CAMTA2: variants seen among roughly 807,000 people sequenced by gnomAD.
CAMTA2 encodes the protein calmodulin-binding transcription activator 2.
Under a neutral mutation model 135.7 loss-of-function variants are expected in CAMTA2, and 56 were observed. The observed-to-expected ratio is 0.41, with a 90% CI of 0.33 to 0.52. CAMTA2 has a LOEUF of 0.52. Ranked by LOEUF, CAMTA2 falls within the 20% of genes least tolerant of loss-of-function variation. CAMTA2 has a pLI of 0.16. For missense variants in CAMTA2, 1,358 were observed against 1,553.4 expected (o/e 0.87, Z 2.11); for synonymous variants, 591 against 604.6 (o/e 0.98, Z 0.33).
In CAMTA2 at chr17:4,968,915, G is replaced by C; in HGVS notation, c.3537C>G (p.Cys1179Trp). 1.2e-6 allele frequency: 2 copies of C among 1,614,106 alleles called. No individual in the cohort carries two copies. The highest frequency in any genetic ancestry group is 1.1e-5 in the South Asian group (1 of 91,072). The change falls in exon 22 of 23, where the codon TGC (cysteine) becomes TGG (tryptophan). Residue 1179 changes from cysteine to tryptophan, a missense_variant. Coordinates refer to ENST00000348066, the MANE Select transcript of CAMTA2 (RefSeq NM_015099.4). ...GGAGAAGGGATGAGTACCTGTGTCG[G>C]CAGCGCCGCAGGAATCTCATGATCT... ...ARKIMRFLRRCRHRMRELKQN... is the reference protein window; with the variant it reads ...ARKIMRFLRRWRHRMRELKQN...
chr17:4,974,820 T>TC (rs1567689001), intron 11 of CAMTA2: 1 of 220,402 alleles, frequency 4.5e-6, no homozygotes, highest in Non-Finnish European at 9.1e-6. Flanking sequence ...TACACACTCT[T>TC]CCCCCCAGCC....
intron 1 of CAMTA2, chr17:4,987,245 G>A: frequency 7.5e-7 from 1 of 1,341,926 alleles, no homozygotes; most frequent in Non-Finnish European, 9.5e-7. Context: ...GCGGCCCCCC[G>A]GCGGAGTGGT....
rs1166417083 is a variant in CAMTA2, at chr17:4,972,459, C to T, written c.2581G>A (p.Asp861Asn). 1 of 1,613,320 alleles carries T rather than the reference C, an allele frequency of 6.2e-7. No homozygotes were observed. Among genetic ancestry groups the T allele is most frequent in the African/African-American group, 1.3e-5 (1 of 74,930 alleles). Reference protein sequence around the residue: ...SVTSAYSSAPDGSPPPAPLPA... With the variant: ...SVTSAYSSAPNGSPPPAPLPA... ...AGAGGTGCAGGGGGGGGACTGCCAT[C>T]TGGGGCACTAGAATAGGCTGACGTG... Residue 861 changes from aspartate to asparagine, a missense_variant, in exon 16 of 23, where the codon GAT (aspartate) becomes AAT (asparagine). Physicochemically the swap from Asp to Asn is conservative, Grantham distance 23 (BLOSUM62 1). Around this residue, in one of 4 missense-constraint regions of CAMTA2, gnomAD observed 1,077 missense variants for 1,127.5 expected, o/e 0.96. Transcript: ENST00000348066.
rs1462040588 is a variant in CAMTA2, at chr17:4,970,346, G to C, written c.2999C>G (p.Pro1000Arg). The C allele has an allele frequency of 1.2e-6, 2 of 1,614,164 alleles. No homozygotes were observed. Among genetic ancestry groups the C allele is most frequent in the Non-Finnish European group, 1.7e-6 (2 of 1,179,948 alleles). The change falls in exon 17 of 23, where the codon CCT becomes CGT. Residue 1000 changes from proline (P) to arginine (R), a missense_variant. Around this residue, in one of 4 missense-constraint regions of CAMTA2, gnomAD observed 1,077 missense variants for 1,127.5 expected, o/e 0.96. Coordinates refer to ENST00000348066, the MANE Select transcript of CAMTA2 (RefSeq NM_015099.4). Reference protein sequence around the residue: ...ENVDHFPSSTPPSELPFERGR... With the variant: ...ENVDHFPSSTRPSELPFERGR... ...TTTGTCCTGAGCTAGTCACCTGGGA[G>C]GGGTTGAGCTGGGGAAATGGTCCAC...
In CAMTA2 at chr17:4,974,511, A is replaced by C. The variant is rs1245332973; in HGVS notation, c.1901-11T>G. 3 of 1,581,410 alleles carry C rather than the reference A, an allele frequency of 1.9e-6. No individual in the cohort carries two copies. The Admixed American group carries it at 5.0e-5, about 26-fold the overall frequency. ...TCCGGAACTGGTTGTCTGAGGGGGAACGGGTATGGGAGGCTGAGTGGGCAG... is the reference window on the plus strand; with the variant it reads ...TCCGGAACTGGTTGTCTGAGGGGGACCGGGTATGGGAGGCTGAGTGGGCAG... On this transcript the variant is annotated splice_polypyrimidine_tract_variant and intron_variant, in intron 11 of 22. Coordinates refer to ENST00000348066, the MANE Select transcript of CAMTA2 (RefSeq NM_015099.4).
chr17:4,984,744 G>T (rs1973158601), intron 3 of CAMTA2, among the ~76,000 whole-genome samples: 1 of 152,224 alleles, frequency 6.6e-6, no homozygotes. Context: ...GTTCCAGCCG[G>T]GCGTGGTGGC....
At position 4,972,395 on chromosome 17, in the gene CAMTA2, C is replaced by T. The variant is rs1335520009; in HGVS notation, c.2645G>A (p.Gly882Asp). ...TTCTGGGACACCAGAGGAAAGCTGG[C>T]CTGGGGCCATGTCCTCCATAGTCAT... ...SEMTMEDMAP[G>D]QLSSGVPEAP... is the part of the protein sequence containing the mutation. The change falls in exon 16 of 23, where the codon GGC becomes GAC. Residue 882 changes from glycine to aspartate, a missense_variant. Physicochemically the swap from Gly to Asp is moderately conservative, Grantham distance 94. Around this residue, in one of 4 missense-constraint regions of CAMTA2, gnomAD observed 1,077 missense variants for 1,127.5 expected, o/e 0.96. Transcript: ENST00000348066. 1.2e-6 allele frequency: 2 copies of T among 1,613,948 alleles called. No homozygotes were observed. The highest frequency in any genetic ancestry group is 1.7e-6 in the Non-Finnish European group (2 of 1,179,972).
chr17:4,987,075 G>A (rs956998066), intron 1 of CAMTA2: 1 of 1,397,192 alleles, frequency 7.2e-7, no homozygotes, highest in East Asian at 2.9e-5. Context: ...GAGGAGGCCC[G>A]TCGGGCTCGG....
At chr17:4,981,165 C>A in intron 8 of CAMTA2, 60 bp downstream of exon 8, 2 of 1,580,992 alleles carry the variant, frequency 1.3e-6, no homozygotes, top group South Asian at 1.1e-5. Context: ...ATCCCCCTGG[C>A]TTGCGTAAGA....
rs563184581 is a variant in CAMTA2, at chr17:4,975,550, G to C, written c.1901-1050C>G. Among the ~76,000 whole-genome samples, 4 of 152,336 alleles carry C rather than the reference G, an allele frequency of 2.6e-5. No individual in the cohort carries two copies. In the South Asian group the frequency reaches 8.3e-4, roughly 32 times the overall value. ...TGATGAACAGTCACAGGGCAGGACA[G>C]AGACAGAACAGGACTGAGAGGCCTG... On this transcript the variant is annotated intron_variant, in intron 11 of 22. Transcript: ENST00000348066.
In CAMTA2 at chr17:4,978,480, C is replaced by T. The variant is rs537380926; in HGVS notation, c.1765+24G>A. 42 of 1,611,702 alleles carry T rather than the reference C, an allele frequency of 2.6e-5. No individual in the cohort carries two copies. The South Asian group carries it at 3.0e-4, about 11-fold the overall frequency. ...TAACTGCCCACATGTCAGTCCCTCC[C>T]CCTACGGTTCCCAATCCTCATACCG... On this transcript the variant is annotated intron_variant, in intron 10 of 22. Transcript: ENST00000348066.
In CAMTA2 at chr17:4,982,992, A is replaced by G. The variant is rs201830300; in HGVS notation, c.187T>C (p.Cys63Arg). 497 of 1,614,052 alleles carry G rather than the reference A, an allele frequency of 3.1e-4. No homozygotes were observed. The highest frequency in any genetic ancestry group is 3.8e-4 in the Non-Finnish European group (449 of 1,180,024). Residue 63 changes from cysteine to arginine, a missense_variant, in exon 4 of 23, where the codon TGT becomes CGT. Coordinates refer to ENST00000348066, the MANE Select transcript of CAMTA2 (RefSeq NM_015099.4). ...TFEKHDEWLSCAPKTRPQNGS... is the reference protein window; with the variant it reads ...TFEKHDEWLSRAPKTRPQNGS... ...CTTTCTCACCTTGTCTTTGGGGCAC[A>G]AGACAGCCACTCATCATGCTTCTCA...
Position 4,986,392 on chromosome 17 carries a change from G to A in CAMTA2, c.-64-106C>T, listed in dbSNP as rs1329497145. The A allele has an allele frequency of 4.1e-5, 25 of 607,656 alleles. No homozygotes were observed. In the Admixed American group the frequency reaches 7.1e-4, roughly 17 times the overall value. 37.6% of individuals were successfully genotyped at this position (607,656 alleles called of 1,614,324 possible). On this transcript the variant is annotated intron_variant, in intron 1 of 22. Transcript: ENST00000348066. ...AGAACTGGGTCATAGTATCTGGGAA[G>A]GATGAGGAAAGGGAGGGAGGGGCTG... is the stretch of plus-strand genomic sequence containing the variant.
In CAMTA2 at chr17:4,973,001, G is replaced by T; in HGVS notation, c.2281-10C>A. ...GGGCACAAGCCCACATCTGAGGAAG[G>T]GGGCGGGACAGGCGGAGACGGAGGT... On this transcript the variant is annotated splice_polypyrimidine_tract_variant and intron_variant, in intron 14 of 22. Transcript: ENST00000348066. 3 of 1,607,552 alleles carry T rather than the reference G, an allele frequency of 1.9e-6. No homozygotes were observed. The South Asian group carries it at 3.3e-5, about 18-fold the overall frequency.
chr17:4,968,808 A>C lies in CAMTA2; in HGVS notation c.3557T>G (p.Leu1186Arg), dbSNP rs187394342. The change falls in exon 23 of 23, where the codon CTG becomes CGG. Residue 1186 changes from leucine (L) to arginine (R), a missense_variant. Around this residue, in one of 4 missense-constraint regions of CAMTA2, gnomAD observed 167 missense variants for 207.0 expected, o/e 0.81. Coordinates refer to ENST00000348066, the MANE Select transcript of CAMTA2 (RefSeq NM_015099.4). The stretch of plus-strand genomic sequence containing the variant: ...CCCTTCCAGCTCCTGGTTCTGCTTC[A>C]GTTCCCTCATCCTGCAGAGAGAAAG... ...LRRCRHRMRE[L>R]KQNQELEGLP... 1,329 of 1,614,136 alleles carry C rather than the reference A, an allele frequency of 8.2e-4. 15 individuals carry two copies. The highest frequency in any genetic ancestry group is 7.3e-5 in the Non-Finnish European group (86 of 1,180,006).
In CAMTA2 at chr17:4,982,868, G is replaced by A; in HGVS notation, c.228C>T (p.Leu76=). 6.2e-7 allele frequency: 1 copy of A among 1,614,194 alleles called. No individual in the cohort carries two copies. The highest frequency in any genetic ancestry group is 8.5e-7 in the Non-Finnish European group (1 of 1,180,046). Residue 76 remains leucine (L), a synonymous_variant, in exon 5 of 23, where the codon CTC becomes CTT. Coordinates refer to ENST00000348066, the MANE Select transcript of CAMTA2 (RefSeq NM_015099.4). Reference sequence around the variant, plus strand: ...GATATTTCACCTTCTTGCGATTGTAGAGGATGATGGAGCCATTCTGAGGCC... The same window carrying A: ...GATATTTCACCTTCTTGCGATTGTAAAGGATGATGGAGCCATTCTGAGGCC... ...KTRPQNGSII[L]YNRKKVKYRK... is the part of the protein sequence containing the mutation.
In CAMTA2 at chr17:4,981,401, C is replaced by T. The variant is rs554915274; in HGVS notation, c.566-42G>A. 4.4e-6 allele frequency: 7 copies of T among 1,606,672 alleles called. No homozygotes were observed. In the South Asian group the frequency reaches 4.4e-5, roughly 10 times the overall value. Reference sequence around the variant, plus strand: ...GAAGTGCTGTGGGATCCCCACGAAACAGGCCCCAGAGTACCTTGATGGCTC... The same window carrying T: ...GAAGTGCTGTGGGATCCCCACGAAATAGGCCCCAGAGTACCTTGATGGCTC... On this transcript the variant is annotated intron_variant, in intron 7 of 22. Transcript: ENST00000348066.
In CAMTA2 at chr17:4,982,359, T is replaced by C. The variant is rs1277566304; in HGVS notation, c.340-199A>G. 3.7e-5 allele frequency: 22 copies of C among 601,630 alleles called. No homozygotes were observed. The Admixed American group carries it at 6.3e-4, about 17-fold the overall frequency. 37.3% of individuals were successfully genotyped at this position (601,630 alleles called of 1,614,324 possible). A position where few individuals can be genotyped will look rare whatever the true frequency, so the allele number is the denominator to read the frequency against. ...GATGAGCAGTGGGGCTGGGGCCTTA[T>C]AGTGAGGACCAGATTTGAGATACGG... On this transcript the variant is annotated intron_variant, in intron 5 of 22. Coordinates refer to ENST00000348066, the MANE Select transcript of CAMTA2 (RefSeq NM_015099.4).
intron 1 of CAMTA2, chr17:4,986,979 T>A: frequency 1.3e-6 from 2 of 1,481,954 alleles, no homozygotes; most frequent in South Asian, 2.6e-5. Flanking sequence ...GGCTCCAGCC[T>A]GAGCCCCCCG....
Sources: allele counts gnomAD v4.1 joint callset (sites outside exome capture counted in the v4.1 genomes callset), GRCh38; gene constraint gnomAD v4.1.1; regional missense constraint gnomAD v4.1.1; transcripts MANE v1.5; gene names NCBI Gene and HGNC (gene_info 2026-07-23, HGNC 2026-07-21).